The following SPON1 variants were observed in gnomAD, a reference collection of about 807,000 sequenced individuals.
SPON1 encodes spondin 1, also known as spondin-1.
SPON1 carries 52 observed loss-of-function variants against 111.7 expected under a neutral mutation model. The observed-to-expected ratio is 0.47, with a 90% confidence interval of 0.37 to 0.59. SPON1 has a LOEUF of 0.59. SPON1 is among the 20% of genes least tolerant of loss of function. SPON1 has a pLI of 0.00. For missense variants in SPON1, 957 were observed against 1,068.5 expected, an observed-to-expected ratio of 0.90 and a Z score of 1.46; for synonymous variants, 410 against 395.8, an observed-to-expected ratio of 1.04 and a Z score of -0.43.
intron 6 of SPON1, among the ~76,000 whole-genome samples, chr11:14,209,757 A>C (rs1266577895): frequency 6.6e-6 from 1 of 152,232 alleles, no homozygotes; most frequent in Non-Finnish European, 1.5e-5. Flanking sequence ...AATGATTTAT[A>C]ATCCTTTGGG....
In SPON1 at chr11:14,135,331, T is replaced by C; in HGVS notation, c.677-89T>C. 4.2e-6 allele frequency: 6 copies of C among 1,426,134 alleles called. No individual in the cohort carries two copies. In the East Asian group the frequency reaches 9.2e-5, roughly 22 times the overall value. The allele number at this position is 1,426,134 out of a possible 1,614,324, so 88.3% of individuals were successfully genotyped here. A position where few individuals can be genotyped will look rare whatever the true frequency, so the allele number is the denominator to read the frequency against. On this transcript the variant is annotated intron_variant, in intron 5 of 15. Transcript: ENST00000576479. The surrounding 1 kb of genome is among the most constrained non-coding windows in gnomAD (Gnocchi z 4.4). ...GCTTAGTCAGTGCTCTTTGAATCGA[T>C]GTCCAATTACGCATCCTCCCCATCA... is the stretch of plus-strand genomic sequence containing the variant.
At chr11:14,238,378 G>A (rs1554939385) in intron 6 of SPON1, among the ~76,000 whole-genome samples, 1 of 152,128 alleles carries the variant, frequency 6.6e-6, no homozygotes, top group Non-Finnish European at 1.5e-5. Flanking sequence ...GGAAGACAAA[G>A]TCAAAAAGTT....
At chr11:14,089,840 C>T (rs375497202) in intron 5 of SPON1, among the ~76,000 whole-genome samples, 29 of 152,310 alleles carry the variant, frequency 1.9e-4, no homozygotes, top group African/African-American at 3.8e-4. Flanking sequence ...CTTTCAGAGA[C>T]GCCCTGCCCT....
intron 5 of SPON1, among the ~76,000 whole-genome samples, chr11:14,131,513 T>C (rs1274858576): frequency 6.6e-6 from 1 of 152,198 alleles, no homozygotes; most frequent in African/African-American, 2.4e-5. Flanking sequence ...GCACCCTCCT[T>C]CCAACTGGAA....
chr11:14,135,285 A>T lies in SPON1; in HGVS notation c.677-135A>T, dbSNP rs1847577669. 1 of 957,104 alleles carries T rather than the reference A, an allele frequency of 1.0e-6. No homozygotes were observed. The highest frequency in any genetic ancestry group is 1.5e-6 in the Non-Finnish European group (1 of 649,892). The allele number at this position is 957,104 out of a possible 1,614,324, so 59.3% of individuals were successfully genotyped here. ...ACTCAGTCTTATCACTGAATGGCACAGGGCCTAAGACAGAATAGGTGCTTA... is the reference window on the plus strand; with the variant it reads ...ACTCAGTCTTATCACTGAATGGCACTGGGCCTAAGACAGAATAGGTGCTTA... On this transcript the variant is annotated intron_variant, in intron 5 of 15. Transcript: ENST00000576479. This position sits in a 1 kb window ranked among gnomAD's most constrained non-coding sequence, Gnocchi z 4.4.
chr11:14,117,515 T>TA (rs1849275680), intron 5 of SPON1, among the ~76,000 whole-genome samples: 1 of 152,216 alleles, frequency 6.6e-6, no homozygotes, highest in African/African-American at 2.4e-5. Flanking sequence ...CTTGTATTCT[T>TA]GGAATAAACC....
chr11:14,190,843 C>T (rs1337506018), intron 6 of SPON1, among the ~76,000 whole-genome samples: 3 of 151,766 alleles, frequency 2.0e-5, no homozygotes, highest in East Asian at 1.9e-4. Flanking sequence ...GTTTCACCAC[C>T]TTGACCAGGC....
At chr11:14,224,819 A>AT (rs1196342844) in intron 6 of SPON1, 1 of 399,384 alleles carries the variant, frequency 2.5e-6, no homozygotes, top group African/African-American at 2.1e-5. Context: ...GCTGAACAAA[A>AT]TTGGGCTTTA....
chr11:14,019,832 C>G (rs1048372817), intron 2 of SPON1, among the ~76,000 whole-genome samples: 4 of 152,124 alleles, frequency 2.6e-5, no homozygotes, highest in Non-Finnish European at 4.4e-5. Flanking sequence ...TCACCCTCAC[C>G]AACAGTGTTC....
intron 1 of SPON1, among the ~76,000 whole-genome samples, chr11:13,975,726 T>C (rs192345163): frequency 1.5e-3 from 221 of 152,278 alleles, no homozygotes; most frequent in African/African-American, 4.9e-3. Flanking sequence ...GTAAGAATCG[T>C]CCCCAAAGCC....
intron 3 of SPON1, among the ~76,000 whole-genome samples, chr11:14,053,842 G>A (rs1848725259): frequency 6.6e-6 from 1 of 152,202 alleles, no homozygotes; most frequent in Non-Finnish European, 1.5e-5. Flanking sequence ...GACACCCAGT[G>A]TGTGACCACA....
intron 6 of SPON1, among the ~76,000 whole-genome samples, chr11:14,230,490 C>A (rs1345000870): frequency 6.6e-6 from 1 of 152,180 alleles, no homozygotes; most frequent in South Asian, 2.1e-4. Flanking sequence ...CAAAGCCTAA[C>A]ACTCTTTAAA....
chr11:14,171,368 A>G (rs1360095134), intron 6 of SPON1, among the ~76,000 whole-genome samples: 1 of 151,940 alleles, frequency 6.6e-6, no homozygotes, highest in Non-Finnish European at 1.5e-5. Flanking sequence ...TATTGCATCT[A>G]TTTGATTGTT....
chr11:14,038,284 G>A (rs1848608973), intron 2 of SPON1, among the ~76,000 whole-genome samples: 1 of 152,026 alleles, frequency 6.6e-6, no homozygotes, highest in African/African-American at 2.4e-5. Context: ...TGGCCAACAT[G>A]GTGAAACCCC....
rs190010846 is a variant in SPON1, at chr11:14,229,224, G to A, written c.826-14108G>A. ...TATTTGATCAGGCACATACTATGACGTGGGTACTTTGCTAGACACCTGGTG... is the reference window on the plus strand; with the variant it reads ...TATTTGATCAGGCACATACTATGACATGGGTACTTTGCTAGACACCTGGTG... On this transcript the variant is annotated intron_variant, in intron 6 of 15. Transcript: ENST00000576479. Among the ~76,000 whole-genome samples, 32 of 152,326 alleles carry A rather than the reference G, an allele frequency of 2.1e-4. 1 individual carries two copies. Among genetic ancestry groups the A allele is most frequent in the African/African-American group, 6.3e-4 (26 of 41,570 alleles).
intron 5 of SPON1, among the ~76,000 whole-genome samples, chr11:14,121,722 C>T (rs1554926518): frequency 6.6e-6 from 1 of 152,028 alleles, no homozygotes; most frequent in Non-Finnish European, 1.5e-5. Flanking sequence ...ATCTGTATTT[C>T]CATCTGTTTT....
At chr11:14,082,255 T>C (rs1881512) in intron 5 of SPON1, among the ~76,000 whole-genome samples, 43,203 of 151,726 alleles carry the variant, frequency 0.28, 6,965 homozygotes, top group East Asian at 0.56. Flanking sequence ...TTCTGTGGAG[T>C]TGTTGAGAGT....
At chr11:14,127,127 C>T (rs540084639) in intron 5 of SPON1, among the ~76,000 whole-genome samples, 25 of 152,168 alleles carry the variant, frequency 1.6e-4, no homozygotes, top group Non-Finnish European at 2.5e-4. Flanking sequence ...CTATTTTATG[C>T]GCCAGCCACT....
chr11:14,216,759 A>G (rs1554937181), intron 6 of SPON1, among the ~76,000 whole-genome samples: 1 of 152,216 alleles, frequency 6.6e-6, no homozygotes, highest in Non-Finnish European at 1.5e-5. Context: ...ATTACCTGTT[A>G]TTGGACCCCA....
Sources: allele counts gnomAD v4.1 joint callset (sites outside exome capture counted in the v4.1 genomes callset), GRCh38; gene constraint gnomAD v4.1.1; non-coding constraint Gnocchi (gnomAD v3.1); transcripts MANE v1.5; gene names NCBI Gene and HGNC (gene_info 2026-07-23, HGNC 2026-07-21).